The following ZCCHC14 variants were observed in gnomAD, a reference collection of about 807,000 sequenced individuals.
ZCCHC14 encodes the protein zinc finger CCHC domain-containing protein 14.
Under a neutral mutation model 85.0 loss-of-function variants are expected in ZCCHC14, and 16 were observed. The observed-to-expected ratio is 0.19, with a 90% CI of 0.13 to 0.29. The LOEUF (loss-of-function observed/expected upper bound fraction) is 0.29. Among genes scored for constraint, ZCCHC14 ranks in the 10% least tolerant of loss-of-function variants. The pLI is 1.00. For synonymous variants in ZCCHC14, 775 were observed against 630.7 expected, an observed-to-expected ratio of 1.23 and a Z score of -3.43; for missense variants, 1,303 against 1,443.5, an observed-to-expected ratio of 0.90 and a Z score of 1.58.
At chr16:87,450,565 ATTCT>A (rs926404317) in intron 2 of ZCCHC14, among the ~76,000 whole-genome samples, 7 of 146,110 alleles carry the variant, frequency 4.8e-5, no homozygotes, top group African/African-American at 1.5e-4. Flanking sequence ...CTGATAATAG[ATTCT>A]TTTTTTTTTT....
intron 1 of ZCCHC14, among the ~76,000 whole-genome samples, chr16:87,482,915 G>A (rs1249620228): frequency 2.0e-5 from 3 of 151,934 alleles, no homozygotes; most frequent in East Asian, 1.9e-4. Context: ...TGTACGGGGC[G>A]TCATGTGTAT....
Position 87,426,370 on chromosome 16 carries a change from A to G in ZCCHC14, c.769-2489T>C, listed in dbSNP as rs112441671. 3.9e-3 allele frequency among the ~76,000 whole-genome samples: 597 copies of G among 152,356 alleles called. 3 individuals carry two copies. The highest frequency in any genetic ancestry group is 0.014 in the African/African-American group (569 of 41,570). On this transcript the variant is annotated intron_variant, in intron 3 of 12. Coordinates refer to ENST00000671377, the MANE Select transcript of ZCCHC14 (RefSeq NM_015144.3). The stretch of plus-strand genomic sequence containing the variant: ...CCCATTACTTTACATTTCACCAAGA[A>G]AAAGTGTTGCCAATTAGATTCTGGC...
At chr16:87,429,369 G>C (rs551232590) in intron 3 of ZCCHC14, among the ~76,000 whole-genome samples, 11 of 152,238 alleles carry the variant, frequency 7.2e-5, no homozygotes, top group Non-Finnish European at 1.2e-4. Flanking sequence ...TGTGGAGACA[G>C]GGTCTCACTG....
rs377710125 is a variant in ZCCHC14, at chr16:87,445,662, G to A, written c.695-12461C>T. On this transcript the variant is annotated intron_variant, in intron 2 of 12. Coordinates refer to ENST00000671377, the MANE Select transcript of ZCCHC14 (RefSeq NM_015144.3). ...ACCAGATAGTCCCTCAAGCCACGGC[G>A]TGTGGGCTCAGCCGCTACGACTATG... 5.9e-5 allele frequency among the ~76,000 whole-genome samples: 9 copies of A among 152,238 alleles called. No homozygotes were observed. In the South Asian group the frequency reaches 1.7e-3, roughly 28 times the overall value.
chr16:87,460,495 G>A (rs1911206519), intron 1 of ZCCHC14, among the ~76,000 whole-genome samples: 1 of 152,132 alleles, frequency 6.6e-6, no homozygotes. Context: ...TTCAAGACCA[G>A]CCTGGCCAAC....
rs200334434 is a variant in ZCCHC14, at chr16:87,413,055, G to A, written c.1744C>T (p.Arg582Cys). ...GCCAGCGCCGCGCACGTGCCCTTAC[G>A]TCTGTCATTCTCCTCAGCGCTGTCG... ...SSDSAEENDR[R>C]VEIHLESSDK... Residue 582 changes from arginine to cysteine, a missense_variant and splice_region_variant, in exon 11 of 13, where the codon CGT (arginine) becomes TGT (cysteine). Coordinates refer to ENST00000671377, the MANE Select transcript of ZCCHC14 (RefSeq NM_015144.3). 1.2e-5 allele frequency: 20 copies of A among 1,614,006 alleles called. No individual in the cohort carries two copies. Among genetic ancestry groups the A allele is most frequent in the East Asian group, 1.1e-4 (5 of 44,888 alleles).
At chr16:87,431,135 CA>C (rs376570145) in intron 3 of ZCCHC14, among the ~76,000 whole-genome samples, 11 of 140,582 alleles carry the variant, frequency 7.8e-5, no homozygotes, top group Non-Finnish European at 1.4e-4. Flanking sequence ...AAGACAGTGT[CA>C]AAAAAAAGAA....
chr16:87,454,830 A>G (rs982522985), intron 2 of ZCCHC14, among the ~76,000 whole-genome samples: 1 of 152,244 alleles, frequency 6.6e-6, no homozygotes, highest in Non-Finnish European at 1.5e-5. Flanking sequence ...GTACACATAC[A>G]GGACAGGGCA....
At chr16:87,446,699 T>G (rs1318712080) in intron 2 of ZCCHC14, among the ~76,000 whole-genome samples, 5 of 150,984 alleles carry the variant, frequency 3.3e-5, no homozygotes, top group African/African-American at 4.9e-5. Context: ...CTGACTTTCT[T>G]TTTTTTTTGA....
chr16:87,446,957 G>A (rs770387064), intron 2 of ZCCHC14, among the ~76,000 whole-genome samples: 1 of 152,102 alleles, frequency 6.6e-6, no homozygotes, highest in Non-Finnish European at 1.5e-5. Context: ...GAAGTGCTGG[G>A]ATTACAGGTA....
chr16:87,433,077 GT>G, intron 3 of ZCCHC14, 50 bp downstream of exon 3: 1 of 1,574,866 alleles, frequency 6.3e-7, no homozygotes, highest in South Asian at 1.1e-5. Flanking sequence ...CAGGGTAAGT[GT>G]TTTCTTCCTA....
At chr16:87,485,333 A>G (rs778303756) in intron 1 of ZCCHC14, among the ~76,000 whole-genome samples, 1 of 152,226 alleles carries the variant, frequency 6.6e-6, no homozygotes, top group Non-Finnish European at 1.5e-5. Flanking sequence ...GAATTAACCT[A>G]TTTTGTTAGT....
chr16:87,455,824 CAATAG>C (rs1910929885), intron 2 of ZCCHC14, among the ~76,000 whole-genome samples: 1 of 152,204 alleles, frequency 6.6e-6, no homozygotes, highest in African/African-American at 2.4e-5. Context: ...AGTACAGACT[CAATAG>C]ATTACATGAG....
intron 1 of ZCCHC14, among the ~76,000 whole-genome samples, chr16:87,478,146 C>A (rs980237038): frequency 6.6e-6 from 1 of 152,138 alleles, no homozygotes; most frequent in Non-Finnish European, 1.5e-5. Flanking sequence ...AAAAGCCTTC[C>A]ACCTATTTAA....
At chr16:87,466,806 G>C (rs1301211490) in intron 1 of ZCCHC14, among the ~76,000 whole-genome samples, 1 of 152,158 alleles carries the variant, frequency 6.6e-6, no homozygotes, top group African/African-American at 2.4e-5. Flanking sequence ...TTCCCAGTTA[G>C]AGGCTGGAGA....
intron 2 of ZCCHC14, among the ~76,000 whole-genome samples, chr16:87,441,522 C>A (rs1006193105): frequency 1.3e-5 from 2 of 152,198 alleles, no homozygotes; most frequent in East Asian, 3.9e-4. Context: ...AAAGGCAACA[C>A]AAAACTCCTC....
At chr16:87,490,797 ACATT>A (rs1402783157) in intron 1 of ZCCHC14, among the ~76,000 whole-genome samples, 2 of 152,102 alleles carry the variant, frequency 1.3e-5, no homozygotes, top group Non-Finnish European at 2.9e-5. Context: ...AAGCATGTGC[ACATT>A]CATACACACG....
At position 87,423,942 on chromosome 16, in the gene ZCCHC14, C is replaced by G. The variant is rs114653437; in HGVS notation, c.769-61G>C. ...GACACCACATACTTGGTTCCCAGCACGTGTCCTGGTACGACTGGGGCACAC... is the reference window on the plus strand; with the variant it reads ...GACACCACATACTTGGTTCCCAGCAGGTGTCCTGGTACGACTGGGGCACAC... On this transcript the variant is annotated intron_variant, in intron 3 of 12. Transcript: ENST00000671377. 8.0e-4 allele frequency: 1,265 copies of G among 1,576,938 alleles called. 10 individuals are homozygous for G. In the African/African-American group the frequency reaches 0.015, roughly 18 times the overall value.
At chr16:87,469,718 A>C (rs1911694219) in intron 1 of ZCCHC14, among the ~76,000 whole-genome samples, 1 of 152,154 alleles carries the variant, frequency 6.6e-6, no homozygotes, top group Non-Finnish European at 1.5e-5. Context: ...AGAGACTCGG[A>C]GCTCTGGGAG....
Sources: allele counts gnomAD v4.1 joint callset (sites outside exome capture counted in the v4.1 genomes callset), GRCh38; gene constraint gnomAD v4.1.1; transcripts MANE v1.5; gene names NCBI Gene and HGNC (gene_info 2026-07-23, HGNC 2026-07-21).